SYT9: variants seen among roughly 807,000 people sequenced by gnomAD.
SYT9 encodes the protein synaptotagmin 9.
SYT9 carries 22 observed loss-of-function variants against 48.4 expected under a neutral mutation model. The observed-to-expected ratio is 0.45, with a 90% confidence interval of 0.32 to 0.65. The LOEUF is 0.65. SYT9 is among the 30% of genes least tolerant of loss of function. The pLI is 0.03. For synonymous variants in SYT9, 265 were observed against 245.0 expected, an observed-to-expected ratio of 1.08 and a Z score of -0.76; for missense variants, 577 against 622.0, an observed-to-expected ratio of 0.93 and a Z score of 0.77.
intron 3 of SYT9, among the ~76,000 whole-genome samples, chr11:7,382,423 A>AT (rs909828036): frequency 3.2e-4 from 49 of 151,214 alleles, no homozygotes; most frequent in Middle Eastern, 3.5e-3. Flanking sequence ...ACTGAGAGGA[A>AT]TTTTTTTTTT....
chr11:7,454,000 G>T, intron 6 of SYT9: 2 of 985,408 alleles, frequency 2.0e-6, no homozygotes, highest in Non-Finnish European at 2.4e-6. Flanking sequence ...TTGTTTGACA[G>T]GCCAGAGGCT....
intron 3 of SYT9, among the ~76,000 whole-genome samples, chr11:7,321,168 G>A (rs1849332158): frequency 6.6e-6 from 1 of 152,114 alleles, no homozygotes; most frequent in Non-Finnish European, 1.5e-5. Flanking sequence ...TTCCCTCTAT[G>A]CCAATACAGA....
intron 3 of SYT9, among the ~76,000 whole-genome samples, chr11:7,392,717 T>G (rs1846654713): frequency 6.6e-6 from 1 of 152,210 alleles, no homozygotes; most frequent in African/African-American, 2.4e-5. Context: ...TTAACAATAG[T>G]GATTCCTCCA....
At position 7,252,911 on chromosome 11, in the gene SYT9, C is replaced by T. The variant is rs999421665; in HGVS notation, c.145+580C>T. Among the ~76,000 whole-genome samples the T allele has an allele frequency of 6.6e-6, 1 of 152,224 alleles. No homozygotes were observed. Among genetic ancestry groups the T allele is most frequent in the Non-Finnish European group, 1.5e-5 (1 of 68,046 alleles). ...TGGGCAGACGGGCCTGAACCCGTTCCCGGCGGGTCGCACGGCATGGAGGTG... is the reference window on the plus strand; with the variant it reads ...TGGGCAGACGGGCCTGAACCCGTTCTCGGCGGGTCGCACGGCATGGAGGTG... On this transcript the variant is annotated intron_variant, in intron 1 of 6. Transcript: ENST00000318881. This position sits in a 1 kb window ranked among gnomAD's most constrained non-coding sequence, Gnocchi z 6.3.
At position 7,314,166 on chromosome 11, in the gene SYT9, C is replaced by G. The variant is rs1225931592; in HGVS notation, c.1044+225C>G. 3 of 677,900 alleles carry G rather than the reference C, an allele frequency of 4.4e-6. No individual in the cohort carries two copies. The South Asian group carries it at 4.5e-5, about 10-fold the overall frequency. 42.0% of individuals were successfully genotyped at this position (677,900 alleles called of 1,614,324 possible). A position where few individuals can be genotyped will look rare whatever the true frequency, so the allele number is the denominator to read the frequency against. On this transcript the variant is annotated intron_variant, in intron 3 of 6. Transcript: ENST00000318881. ...GAAAACAATATTAAAGAATAACATT[C>G]TCTCTTTTCTACTTTCAGATTCTTA... is the stretch of plus-strand genomic sequence containing the variant.
intron 3 of SYT9, among the ~76,000 whole-genome samples, chr11:7,379,704 A>G (rs1850524965): frequency 1.3e-5 from 2 of 152,042 alleles, no homozygotes; most frequent in Admixed American, 1.3e-4. Flanking sequence ...TGTAATCCTG[A>G]CCCTCTCTCA....
At chr11:7,359,001 T>G (rs930142055) in intron 3 of SYT9, among the ~76,000 whole-genome samples, 1 of 151,188 alleles carries the variant, frequency 6.6e-6, no homozygotes, top group Non-Finnish European at 1.5e-5. Flanking sequence ...TCCTCCCCCC[T>G]CCCCTCACCC....
intron 1 of SYT9, among the ~76,000 whole-genome samples, chr11:7,299,407 G>A (rs1848874524): frequency 6.6e-6 from 1 of 152,184 alleles, no homozygotes; most frequent in South Asian, 2.1e-4. Context: ...GGTGTCTGGT[G>A]TGGCTGTGTA....
chr11:7,276,001 A>T (rs1848382657), intron 1 of SYT9, among the ~76,000 whole-genome samples: 1 of 152,162 alleles, frequency 6.6e-6, no homozygotes, highest in African/African-American at 2.4e-5. Context: ...AGCTCTATTT[A>T]TCTGTCTTGT....
intron 3 of SYT9, among the ~76,000 whole-genome samples, chr11:7,351,722 T>A (rs1324652247): frequency 6.6e-6 from 1 of 152,198 alleles, no homozygotes; most frequent in Non-Finnish European, 1.5e-5. Flanking sequence ...AAGCAAAATA[T>A]CCTCAAATTG....
chr11:7,287,145 G>A (rs1400789028), intron 1 of SYT9, among the ~76,000 whole-genome samples: 1 of 152,172 alleles, frequency 6.6e-6, no homozygotes, highest in Non-Finnish European at 1.5e-5. Context: ...TGCAGGGCTG[G>A]GGAGGCCTCA....
chr11:7,376,607 G>C (rs1850459793), intron 3 of SYT9, among the ~76,000 whole-genome samples: 1 of 152,006 alleles, frequency 6.6e-6, no homozygotes, highest in African/African-American at 2.4e-5. Context: ...AATGACCTTG[G>C]GCTGTTACCA....
chr11:7,256,736 C>G (rs914435566), intron 1 of SYT9, among the ~76,000 whole-genome samples: 1 of 152,038 alleles, frequency 6.6e-6, no homozygotes, highest in Non-Finnish European at 1.5e-5. Flanking sequence ...ATTCTGTTAT[C>G]CAGGATACTG....
At chr11:7,294,266 C>A (rs143780963) in intron 1 of SYT9, among the ~76,000 whole-genome samples, 30 of 152,308 alleles carry the variant, frequency 2.0e-4, no homozygotes, top group African/African-American at 7.0e-4. Context: ...AGCATTAAAT[C>A]TATATCATTC....
chr11:7,267,987 G>T (rs1441382986), intron 1 of SYT9, among the ~76,000 whole-genome samples: 1 of 151,974 alleles, frequency 6.6e-6, no homozygotes, highest in African/African-American at 2.4e-5. Context: ...TTGAGTGGAA[G>T]TCATAAACAT....
chr11:7,400,878 A>C (rs746759217), intron 3 of SYT9, among the ~76,000 whole-genome samples: 3 of 152,174 alleles, frequency 2.0e-5, no homozygotes, highest in Non-Finnish European at 4.4e-5. Context: ...AATATATATA[A>C]TAATGTAGGT....
At chr11:7,364,272 A>G (rs1850200959) in intron 3 of SYT9, among the ~76,000 whole-genome samples, 1 of 152,226 alleles carries the variant, frequency 6.6e-6, no homozygotes, top group Non-Finnish European at 1.5e-5. Flanking sequence ...CAGCGAGTTA[A>G]GGCAGTTTCT....
chr11:7,333,845 A>T (rs1312087546), intron 3 of SYT9, among the ~76,000 whole-genome samples: 2 of 152,240 alleles, frequency 1.3e-5, no homozygotes, highest in Non-Finnish European at 2.9e-5. Flanking sequence ...CATCAAGCAC[A>T]TAATGGCCCT....
chr11:7,271,697 C>A (rs534098128), intron 1 of SYT9, among the ~76,000 whole-genome samples: 2 of 152,322 alleles, frequency 1.3e-5, no homozygotes, highest in East Asian at 3.9e-4. Context: ...CTGCCTCAGC[C>A]TCCCAAGTAG....
Sources: gnomAD v4.1 joint callset for allele counts (sites outside exome capture counted in the v4.1 genomes callset) on GRCh38, gnomAD v4.1.1 for gene constraint, Gnocchi (gnomAD v3.1) non-coding constraint, MANE v1.5 for transcripts, NCBI Gene and HGNC (gene_info 2026-07-23, HGNC 2026-07-21) for gene names.